LATS1: variants seen among roughly 807,000 people sequenced by gnomAD.
The protein encoded by LATS1 is serine/threonine-protein kinase LATS1.
A neutral mutation model predicts 106.6 loss-of-function variants in LATS1; 25 were observed. The observed-to-expected ratio is 0.23, with a 90% CI of 0.17 to 0.33. LATS1 has a LOEUF of 0.33. Ranked by LOEUF, LATS1 falls within the 10% of genes least tolerant of loss-of-function variation. The pLI is 1.00. For missense variants in LATS1, 1,040 were observed against 1,382.6 expected (o/e 0.75, Z 3.93); for synonymous variants, 465 against 455.6 (o/e 1.02, Z -0.26).
At chr6:149,698,402 C>A (rs1783231409) in intron 2 of LATS1, among the ~76,000 whole-genome samples, 1 of 151,916 alleles carries the variant, frequency 6.6e-6, no homozygotes, top group Non-Finnish European at 1.5e-5. Flanking sequence ...TGCCACCACA[C>A]CTGGCTGATT....
rs1431359756 is a variant in LATS1 at position 149,701,973 on chromosome 6, G to A, written c.154C>T (p.His52Tyr). 3.0e-5 allele frequency: 48 copies of A among 1,614,152 alleles called. No individual in the cohort carries two copies. Among genetic ancestry groups the A allele is most frequent in the Non-Finnish European group, 4.1e-5 (48 of 1,180,020 alleles). The change falls in exon 2 of 8, where the codon CAT (histidine) becomes TAT (tyrosine). Residue 52 changes from histidine (H) to tyrosine (Y), a missense_variant. Coordinates refer to ENST00000543571, the MANE Select transcript of LATS1 (RefSeq NM_004690.4). ...SKPSDAAKAEHNMSKMSTEDP... is the reference protein window; with the variant it reads ...SKPSDAAKAEYNMSKMSTEDP... ...TCGGTTGACATTTTACTCATGTTAT[G>A]CTCAGCCTTAGCAGCATCAGATGGT...
At position 149,687,249 on chromosome 6, in the gene LATS1, C is replaced by T. The variant is rs149123540; in HGVS notation, c.497-2657G>A. The stretch of plus-strand genomic sequence containing the variant: ...GGGATTACAGGCAGGTGCCACCACA[C>T]CCAGCTAATTTTTGTATTTTCAGTA... On this transcript the variant is annotated intron_variant, in intron 3 of 7. Coordinates refer to ENST00000543571, the MANE Select transcript of LATS1 (RefSeq NM_004690.4). 4.7e-3 allele frequency among the ~76,000 whole-genome samples: 712 copies of T among 152,084 alleles called. 10 individuals carry two copies. The highest frequency in any genetic ancestry group is 0.016 in the African/African-American group (671 of 41,488).
rs1782981038 is a variant in LATS1 at position 149,695,093 on chromosome 6, A to G, written c.477T>C (p.Ile159=). 6.2e-7 allele frequency: 1 copy of G among 1,601,554 alleles called. No homozygotes were observed. The highest frequency in any genetic ancestry group is 8.5e-7 in the Non-Finnish European group (1 of 1,176,042). Residue 159 remains isoleucine, a synonymous_variant, in exon 3 of 8, where the codon ATT becomes ATC. Coordinates refer to ENST00000543571, the MANE Select transcript of LATS1 (RefSeq NM_004690.4). ...EQMAAAAARP[I]NASMKPGNVQ... ...AATCACCTGGTTTCATGCTGGCATT[A>G]ATAGGTCTGGCAGCTGCTGCAGCCA... is the stretch of plus-strand genomic sequence containing the variant.
At chr6:149,692,777 C>T (rs753346393) in intron 3 of LATS1, among the ~76,000 whole-genome samples, 4 of 151,592 alleles carry the variant, frequency 2.6e-5, no homozygotes, top group Non-Finnish European at 4.4e-5. Context: ...TGGGTTCAAA[C>T]AATTCTCCTG....
Position 149,695,925 on chromosome 6 carries a change from A to T in LATS1, c.349-704T>A, listed in dbSNP as rs555174190. ...TTCTTTTTACTTTTTTTTTTCTGAG[A>T]TGGAGTTTCGCTCTTGTTGCTCAAG... On this transcript the variant is annotated intron_variant, in intron 2 of 7. Coordinates refer to ENST00000543571, the MANE Select transcript of LATS1 (RefSeq NM_004690.4). 2.0e-5 allele frequency among the ~76,000 whole-genome samples: 3 copies of T among 151,004 alleles called. No homozygotes were observed. The South Asian group carries it at 6.3e-4, about 32-fold the overall frequency.
intron 2 of LATS1, among the ~76,000 whole-genome samples, chr6:149,699,477 A>T (rs1358863718): frequency 6.6e-6 from 1 of 151,970 alleles, no homozygotes; most frequent in Non-Finnish European, 1.5e-5. Context: ...TTTTTAATAA[A>T]AAAAAAAAAT....
intron 1 of LATS1, among the ~76,000 whole-genome samples, chr6:149,713,489 T>C (rs1222418863): frequency 6.6e-6 from 1 of 151,196 alleles, no homozygotes; most frequent in Admixed American, 6.6e-5. Flanking sequence ...AGAGACGGGG[T>C]TTCTCCATGT....
intron 3 of LATS1, among the ~76,000 whole-genome samples, chr6:149,686,555 TC>T (rs1427468489): frequency 6.6e-6 from 1 of 152,224 alleles, no homozygotes; most frequent in Non-Finnish European, 1.5e-5. Flanking sequence ...TCCTGCCACC[TC>T]CTTGAAGCTG....
intron 3 of LATS1, among the ~76,000 whole-genome samples, chr6:149,692,220 T>G (rs1216716683): frequency 6.6e-6 from 1 of 152,220 alleles, no homozygotes; most frequent in Non-Finnish European, 1.5e-5. Flanking sequence ...GTCAGGCCCC[T>G]ATGGACTTTT....
At chr6:149,670,171 C>CAAAA (rs1177166262) in intron 7 of LATS1, among the ~76,000 whole-genome samples, 19 of 31,650 alleles carry the variant, frequency 6.0e-4, no homozygotes, top group African/African-American at 1.4e-3. Context: ...AATTGCATCT[C>CAAAA]AAAAAAAAAA....
In LATS1 at chr6:149,658,286, ATTAG is replaced by A. The variant is rs1419541415; in HGVS notation, c.*3439_*3442del. ...ATTACATTCAGAATTATGCGAAACA[ATTAG>A]TTATATTGCAAAGCTGTAATTCTTT... On this transcript the variant is annotated 3_prime_UTR_variant, in exon 8 of 8. Coordinates refer to ENST00000543571, the MANE Select transcript of LATS1 (RefSeq NM_004690.4). 6.6e-6 allele frequency: 1 copy of A among 152,168 alleles called. No individual in the cohort carries two copies. The highest frequency in any genetic ancestry group is 1.5e-5 in the Non-Finnish European group (1 of 68,018). The allele number at this position is 152,168 out of a possible 1,614,324, so 9.4% of individuals were successfully genotyped here.
intron 7 of LATS1, among the ~76,000 whole-genome samples, chr6:149,670,449 T>G (rs1366761318): frequency 6.6e-6 from 1 of 151,940 alleles, no homozygotes; most frequent in Non-Finnish European, 1.5e-5. Flanking sequence ...GGAGAGTGCT[T>G]CATGAAGGGA....
At chr6:149,710,721 C>T (rs187231046) in intron 1 of LATS1, among the ~76,000 whole-genome samples, 4 of 152,276 alleles carry the variant, frequency 2.6e-5, no homozygotes, top group Admixed American at 2.0e-4. Flanking sequence ...CCTATAATAA[C>T]TTTTCATACA....
At chr6:149,681,322 G>A (rs1782024127) in intron 4 of LATS1, among the ~76,000 whole-genome samples, 1 of 152,160 alleles carries the variant, frequency 6.6e-6, no homozygotes, top group Admixed American at 6.6e-5. Context: ...TGGAAAAGTG[G>A]GGTCTAATTC....
In LATS1 at chr6:149,683,524, T is replaced by G; in HGVS notation, c.1565A>C (p.Gln522Pro). 6.2e-7 allele frequency: 1 copy of G among 1,614,236 alleles called. No individual in the cohort carries two copies. The highest frequency in any genetic ancestry group is 1.1e-5 in the South Asian group (1 of 91,092). The part of the protein sequence containing the change: ...LAPTHPSWIP[Q>P]PIQTVQPSPF... ...ACTGGGTTGAACAGTTTGAATTGGCTGTGGTATCCAAGAAGGGTGTGTAGG... is the reference window on the plus strand; with the variant it reads ...ACTGGGTTGAACAGTTTGAATTGGCGGTGGTATCCAAGAAGGGTGTGTAGG... The change falls in exon 4 of 8, where the codon CAG (glutamine) becomes CCG (proline). Residue 522 changes from glutamine to proline, a missense_variant. Gln to Pro is a moderately conservative substitution (Grantham distance 76). Coordinates refer to ENST00000543571, the MANE Select transcript of LATS1 (RefSeq NM_004690.4).
intron 7 of LATS1, among the ~76,000 whole-genome samples, chr6:149,665,647 T>C (rs1293108726): frequency 6.6e-6 from 1 of 152,164 alleles, no homozygotes; most frequent in Non-Finnish European, 1.5e-5. Context: ...ACTGTAACTA[T>C]GTGGATCTAA....
rs1784359560 is a variant in LATS1 at position 149,715,905 on chromosome 6, AACCCACACT to A, written c.-141+1935_-141+1943del. Reference sequence around the variant, plus strand: ...TCAAAGCAAAACTGCTTACCTTTTTAACCCACACTACGATGGGGCCAGATTCGTCTTAAT... The same window carrying A: ...TCAAAGCAAAACTGCTTACCTTTTTAACGATGGGGCCAGATTCGTCTTAAT... On this transcript the variant is annotated intron_variant, in intron 1 of 7. Transcript: ENST00000543571. Among the ~76,000 whole-genome samples the A allele has an allele frequency of 5.9e-5, 9 of 152,316 alleles. No individual in the cohort carries two copies. The South Asian group carries it at 1.9e-3, about 32-fold the overall frequency.
intron 3 of LATS1, among the ~76,000 whole-genome samples, chr6:149,687,717 G>A (rs745855160): frequency 1.3e-5 from 2 of 151,820 alleles, no homozygotes; most frequent in Admixed American, 6.6e-5. Flanking sequence ...ATAGGCAGGA[G>A]ACACTAAGCC....
chr6:149,661,680 G>A lies in LATS1; in HGVS notation c.*49C>T, dbSNP rs752113325. The A allele has an allele frequency of 4.1e-6, 6 of 1,473,808 alleles. No individual in the cohort carries two copies. Among genetic ancestry groups the A allele is most frequent in the South Asian group, 2.8e-5 (2 of 71,340 alleles). The allele number at this position is 1,473,808 out of a possible 1,614,324, so 91.3% of individuals were successfully genotyped here. ...TACTCTCAGAACCTCAAAACACCTC[G>A]CATTTCAGGCCCTTTTACAAATCCT... On this transcript the variant is annotated 3_prime_UTR_variant, in exon 8 of 8. Transcript: ENST00000543571.
Sources: allele counts gnomAD v4.1 joint callset (sites outside exome capture counted in the v4.1 genomes callset), GRCh38; gene constraint gnomAD v4.1.1; transcripts MANE v1.5; gene names NCBI Gene and HGNC (gene_info 2026-07-23, HGNC 2026-07-21).